The following GUCY1A2 variants were observed in gnomAD, a reference collection of about 807,000 sequenced individuals.
GUCY1A2 encodes the protein guanylate cyclase 1 soluble subunit alpha 2.
A neutral mutation model predicts 63.5 loss-of-function variants in GUCY1A2; 27 were observed. The ratio of observed to expected loss-of-function variants is 0.43; its 90% CI spans 0.31 to 0.59. The LOEUF (loss-of-function observed/expected upper bound fraction) is 0.59. Ranked by LOEUF, GUCY1A2 falls within the 20% of genes least tolerant of loss-of-function variation. GUCY1A2 has a pLI of 0.11. For missense variants in GUCY1A2, 768 were observed against 913.3 expected (o/e 0.84, Z 2.05); for synonymous variants, 364 against 343.5 (o/e 1.06, Z -0.66).
At chr11:106,847,680 G>A (rs1859294866) in intron 4 of GUCY1A2, among the ~76,000 whole-genome samples, 2 of 151,458 alleles carry the variant, frequency 1.3e-5, no homozygotes, top group South Asian at 4.1e-4. Flanking sequence ...ATTAAAATTT[G>A]AGTCTGTAGA....
chr11:106,876,263 A>G (rs1378025359), intron 4 of GUCY1A2, among the ~76,000 whole-genome samples: 1 of 152,126 alleles, frequency 6.6e-6, no homozygotes, highest in Admixed American at 6.6e-5. Flanking sequence ...CCATTAGCAA[A>G]TAGGTGTTAA....
Position 106,955,728 on chromosome 11 carries a change from C to G in GUCY1A2, c.488-15550G>C, listed in dbSNP as rs370060289. Among the ~76,000 whole-genome samples the G allele has an allele frequency of 1.4e-3, 207 of 152,288 alleles. 1 individual carries two copies. Among genetic ancestry groups the G allele is most frequent in the African/African-American group, 4.8e-3 (201 of 41,560 alleles). On this transcript the variant is annotated intron_variant, in intron 3 of 7. Transcript: ENST00000526355. ...GGCCTTTCTCTCTGGCTACCTTTAA[C>G]AGTTTTTCCTTTTTTTGACCTTGGA...
intron 1 of GUCY1A2, among the ~76,000 whole-genome samples, chr11:107,000,111 G>T (rs898424455): frequency 3.9e-5 from 6 of 152,108 alleles, no homozygotes; most frequent in Non-Finnish European, 7.3e-5. Flanking sequence ...GGAAAGTTAG[G>T]TTTATAAATT....
chr11:106,832,031 T>C (rs1165117485), intron 4 of GUCY1A2, among the ~76,000 whole-genome samples: 1 of 152,184 alleles, frequency 6.6e-6, no homozygotes, highest in Non-Finnish European at 1.5e-5. Flanking sequence ...ATGCCATAAA[T>C]TAATTAAAGG....
At chr11:106,802,990 C>T (rs61905198) in intron 5 of GUCY1A2, among the ~76,000 whole-genome samples, 3,498 of 152,138 alleles carry the variant, frequency 0.023, 66 homozygotes, top group Middle Eastern at 0.068. Flanking sequence ...AATTAAATAT[C>T]GATAGGGACA....
chr11:106,892,833 C>CAA (rs903105137), intron 4 of GUCY1A2, among the ~76,000 whole-genome samples: 1 of 152,058 alleles, frequency 6.6e-6, no homozygotes, highest in Non-Finnish European at 1.5e-5. Flanking sequence ...ATTCAGCAAA[C>CAA]TTGGTTAAAG....
chr11:106,909,775 T>C (rs1860267890), intron 4 of GUCY1A2, among the ~76,000 whole-genome samples: 1 of 152,000 alleles, frequency 6.6e-6, no homozygotes, highest in Non-Finnish European at 1.5e-5. Flanking sequence ...TCTGGGTTGC[T>C]TTTGGTTTTT....
At chr11:106,838,493 TCTA>T (rs1859147346) in intron 4 of GUCY1A2, among the ~76,000 whole-genome samples, 1 of 152,106 alleles carries the variant, frequency 6.6e-6, no homozygotes, top group Admixed American at 6.6e-5. Flanking sequence ...TTTATTCATA[TCTA>T]CTGTTAACTA....
intron 4 of GUCY1A2, among the ~76,000 whole-genome samples, chr11:106,853,626 T>C (rs1177419715): frequency 6.6e-6 from 1 of 152,168 alleles, no homozygotes; most frequent in Non-Finnish European, 1.5e-5. Context: ...TTATTTTGAA[T>C]TTTTTCGGAC....
At chr11:106,827,894 G>A (rs1033095403) in intron 4 of GUCY1A2, 174 of 1,525,542 alleles carry the variant, frequency 1.1e-4, no homozygotes, top group Non-Finnish European at 1.6e-4. Flanking sequence ...CCTTCATGCT[G>A]CCGGACTCCC....
rs141677181 is a variant in GUCY1A2, at chr11:106,779,796, T to C, written c.1693-3214A>G. ...GCATAGAAAAGTTAGACCAATATGT[T>C]ACCAACTGATACATAAATGAATGAA... is the stretch of plus-strand genomic sequence containing the variant. On this transcript the variant is annotated intron_variant, in intron 5 of 7. Coordinates refer to ENST00000526355, the MANE Select transcript of GUCY1A2 (RefSeq NM_000855.3). 3.7e-3 allele frequency among the ~76,000 whole-genome samples: 571 copies of C among 152,286 alleles called. 4 individuals carry two copies. Among genetic ancestry groups the C allele is most frequent in the African/African-American group, 0.013 (551 of 41,550 alleles).
chr11:106,816,773 C>T (rs1858838081), intron 4 of GUCY1A2, among the ~76,000 whole-genome samples: 1 of 151,444 alleles, frequency 6.6e-6, no homozygotes, highest in South Asian at 2.1e-4. Flanking sequence ...GGGGTTATCA[C>T]TATAGATAAT....
chr11:106,977,133 A>C (rs369995519), intron 3 of GUCY1A2, among the ~76,000 whole-genome samples: 2 of 152,208 alleles, frequency 1.3e-5, no homozygotes, highest in African/African-American at 4.8e-5. Flanking sequence ...ACTGGATAAG[A>C]AGCAACTTCT....
In GUCY1A2 at chr11:106,698,119, A is replaced by ATTTTTTTTTTTTTTTT. The variant is rs71470827; in HGVS notation, c.1991+10377_1992-10364dup. ...TTTACAGCTTTCACTGAATGTTAGA[A>ATTTTTTTTTTTTTTTT]TTTTTTTTTTTTTTTTTTTAGACAG... On this transcript the variant is annotated intron_variant, in intron 7 of 7. Transcript: ENST00000526355. 9.2e-3 allele frequency among the ~76,000 whole-genome samples: 922 copies of ATTTTTTTTTTTTTTTT among 100,400 alleles called. 160 individuals are homozygous for ATTTTTTTTTTTTTTTT. Among genetic ancestry groups the ATTTTTTTTTTTTTTTT allele is most frequent in the African/African-American group, 0.037 (803 of 21,724 alleles). 65.9% of individuals were successfully genotyped at this position (100,400 alleles called of 152,430 possible).
chr11:106,922,695 ATATATATATATATATATATATG>A (rs940062760), intron 4 of GUCY1A2, among the ~76,000 whole-genome samples: 1 of 17,288 alleles, frequency 5.8e-5, no homozygotes, highest in African/African-American at 1.6e-4. Flanking sequence ...ATATATATAT[ATATATATATATATATATATATG>A]TACTCACAAT....
rs186694149 is a variant in GUCY1A2 at position 106,883,289 on chromosome 11, T to C, written c.1206+56171A>G. Among the ~76,000 whole-genome samples, 5 of 152,258 alleles carry C rather than the reference T, an allele frequency of 3.3e-5. No homozygotes were observed. In the East Asian group the frequency reaches 9.6e-4, roughly 29 times the overall value. On this transcript the variant is annotated intron_variant, in intron 4 of 7. Coordinates refer to ENST00000526355, the MANE Select transcript of GUCY1A2 (RefSeq NM_000855.3). The stretch of plus-strand genomic sequence containing the variant: ...ATGCTTTGATGCTCAGTTCAGCCAA[T>C]AAATAAGGAAACTCCTGGATGCCTT...
At chr11:106,707,071 C>A (rs980260173) in intron 7 of GUCY1A2, among the ~76,000 whole-genome samples, 1 of 152,030 alleles carries the variant, frequency 6.6e-6, no homozygotes, top group African/African-American at 2.4e-5. Context: ...CTCTTGGGTT[C>A]CTTAAAATTA....
At chr11:106,954,663 A>C (rs1860957733) in intron 3 of GUCY1A2, among the ~76,000 whole-genome samples, 1 of 152,178 alleles carries the variant, frequency 6.6e-6, no homozygotes, top group South Asian at 2.1e-4. Flanking sequence ...GTCTCTAAGA[A>C]CTAGTTTTAT....
chr11:106,887,450 G>C (rs1859915182), intron 4 of GUCY1A2, among the ~76,000 whole-genome samples: 1 of 151,958 alleles, frequency 6.6e-6, no homozygotes, highest in Non-Finnish European at 1.5e-5. Flanking sequence ...TGTTATCCAG[G>C]GACAAAGATA....
Sources: allele counts gnomAD v4.1 joint callset (sites outside exome capture counted in the v4.1 genomes callset), GRCh38; gene constraint gnomAD v4.1.1; transcripts MANE v1.5; gene names NCBI Gene and HGNC (gene_info 2026-07-23, HGNC 2026-07-21).